The following APBA1 variants were observed in gnomAD, a reference collection of about 807,000 sequenced individuals.
APBA1 encodes amyloid beta precursor protein binding family A member 1.
Under a neutral mutation model 86.6 loss-of-function variants are expected in APBA1, and 55 were observed. The ratio of observed to expected loss-of-function variants is 0.64; its 90% CI spans 0.51 to 0.80. The LOEUF (loss-of-function observed/expected upper bound fraction) is 0.80, where lower values mean the gene tolerates loss of function less well. APBA1 is among the 30% of genes least tolerant of loss of function. The pLI is 0.00. For synonymous variants in APBA1, 511 were observed against 493.9 expected (o/e 1.03, Z -0.46); for missense variants, 1,090 against 1,183.0 (o/e 0.92, Z 1.15).
At chr9:69,664,889 AT>A (rs1334466398) in intron 1 of APBA1, among the ~76,000 whole-genome samples, 1 of 152,192 alleles carries the variant, frequency 6.6e-6, no homozygotes, top group East Asian at 1.9e-4. Flanking sequence ...AAATCCCTAA[AT>A]TAAAATAACT....
intron 1 of APBA1, among the ~76,000 whole-genome samples, chr9:69,620,538 A>G (rs2133989349): frequency 6.6e-6 from 1 of 152,164 alleles, no homozygotes; most frequent in East Asian, 1.9e-4. Flanking sequence ...TTAGCTGGGC[A>G]TGGTGGCATG....
chr9:69,467,116 C>T (rs1319053964), intron 5 of APBA1, among the ~76,000 whole-genome samples: 2 of 152,134 alleles, frequency 1.3e-5, no homozygotes, highest in African/African-American at 4.8e-5. Flanking sequence ...GTTTTGGTAT[C>T]GTGGTGGAGA....
At chr9:69,453,889 G>A (rs1412322422) in intron 8 of APBA1, among the ~76,000 whole-genome samples, 1 of 152,196 alleles carries the variant, frequency 6.6e-6, no homozygotes, top group East Asian at 1.9e-4. Context: ...CTAGACTTTG[G>A]AACTATGGAT....
chr9:69,526,657 T>C (rs1483156684), intron 1 of APBA1, among the ~76,000 whole-genome samples: 2 of 152,004 alleles, frequency 1.3e-5, no homozygotes, highest in Non-Finnish European at 2.9e-5. Flanking sequence ...GGAAAGCAGT[T>C]TGGAGATTTC....
At chr9:69,635,296 A>G (rs1487707019) in intron 1 of APBA1, among the ~76,000 whole-genome samples, 1 of 152,188 alleles carries the variant, frequency 6.6e-6, no homozygotes, top group Non-Finnish European at 1.5e-5. Context: ...AGTTGTGATC[A>G]GTTTAAAATA....
At chr9:69,657,367 T>A (rs2134021512) in intron 1 of APBA1, among the ~76,000 whole-genome samples, 1 of 152,350 alleles carries the variant, frequency 6.6e-6, no homozygotes, top group South Asian at 2.1e-4. Flanking sequence ...AGCCTGCCAG[T>A]TATTACTTAG....
chr9:69,660,829 TGA>T (rs1171005133), intron 1 of APBA1, among the ~76,000 whole-genome samples: 1 of 151,856 alleles, frequency 6.6e-6, no homozygotes, highest in Admixed American at 6.6e-5. Flanking sequence ...GATGAAAAAA[TGA>T]GTGTGTGGGT....
chr9:69,565,951 TGGCCTCAA>T (rs1837020325), intron 1 of APBA1, among the ~76,000 whole-genome samples: 1 of 152,220 alleles, frequency 6.6e-6, no homozygotes, highest in South Asian at 2.1e-4. Flanking sequence ...GCCCTGACCG[TGGCCTCAA>T]GGCCTGCCTG....
intron 2 of APBA1, among the ~76,000 whole-genome samples, chr9:69,476,755 A>G (rs903554422): frequency 1.3e-5 from 2 of 152,228 alleles, no homozygotes; most frequent in Non-Finnish European, 2.9e-5. Context: ...ACAGTTCAAA[A>G]ATCCTTTGTC....
chr9:69,637,367 A>G (rs11139558), intron 1 of APBA1, among the ~76,000 whole-genome samples: 3,053 of 152,302 alleles, frequency 0.02, 80 homozygotes, highest in African/African-American at 0.064. Flanking sequence ...CAAAGACACT[A>G]TAATTGGATT....
chr9:69,509,224 A>C (rs2133879746), intron 2 of APBA1, among the ~76,000 whole-genome samples: 1 of 151,790 alleles, frequency 6.6e-6, no homozygotes, highest in Admixed American at 6.5e-5. Context: ...ACAATAAAAA[A>C]TGATAAAGGG....
intron 1 of APBA1, among the ~76,000 whole-genome samples, chr9:69,642,712 G>T (rs564211070): frequency 7.3e-5 from 11 of 151,710 alleles, no homozygotes. Context: ...TTTTTGAGGA[G>T]ATTAACATTT....
chr9:69,445,178 C>G (rs1448422669), intron 10 of APBA1, among the ~76,000 whole-genome samples: 3 of 152,212 alleles, frequency 2.0e-5, no homozygotes, highest in Non-Finnish European at 2.9e-5. Context: ...TCATATTGCT[C>G]TGGTGGGTTC....
At chr9:69,544,355 A>G (rs1403720837) in intron 1 of APBA1, among the ~76,000 whole-genome samples, 1 of 152,232 alleles carries the variant, frequency 6.6e-6, no homozygotes, top group East Asian at 1.9e-4. Flanking sequence ...AATATAGCTG[A>G]AAGTAATACA....
At chr9:69,437,218 C>T (rs11789889) in intron 11 of APBA1, among the ~76,000 whole-genome samples, 5 of 150,858 alleles carry the variant, frequency 3.3e-5, no homozygotes, top group Non-Finnish European at 5.9e-5. Flanking sequence ...TGTTCATCAA[C>T]GATATTGGTC....
intron 1 of APBA1, among the ~76,000 whole-genome samples, chr9:69,576,380 C>T (rs1821797180): frequency 6.6e-6 from 1 of 152,200 alleles, no homozygotes; most frequent in African/African-American, 2.4e-5. Context: ...GATTACAAAA[C>T]ATGCTGCTAT....
chr9:69,513,495 A>G lies in APBA1; in HGVS notation c.1200+2516T>C, dbSNP rs556385067. 1.4e-4 allele frequency among the ~76,000 whole-genome samples: 22 copies of G among 152,330 alleles called. 1 individual carries two copies. In the South Asian group the frequency reaches 4.3e-3, roughly 30 times the overall value. Reference sequence around the variant, plus strand: ...GAAGCCAGCCTTTTGTCAACTCCCTACTTTTGAAAACCTGCTCTATTTCCA... The same window carrying G: ...GAAGCCAGCCTTTTGTCAACTCCCTGCTTTTGAAAACCTGCTCTATTTCCA... On this transcript the variant is annotated intron_variant, in intron 2 of 12. Transcript: ENST00000265381.
chr9:69,672,492 G>T (rs966755533), upstream of APBA1, among the ~76,000 whole-genome samples: 13 of 146,580 alleles, frequency 8.9e-5, no homozygotes, highest in African/African-American at 3.2e-4. Context: ...GCGCGCGCAC[G>T]CCGCCTGCTA....
intron 1 of APBA1, among the ~76,000 whole-genome samples, chr9:69,552,419 T>C (rs192048625): frequency 5.3e-5 from 8 of 152,334 alleles, no homozygotes; most frequent in Non-Finnish European, 7.3e-5. Context: ...TCAATTCACA[T>C]TGAGTTCAAA....
Sources: gnomAD v4.1 joint callset for allele counts (sites outside exome capture counted in the v4.1 genomes callset) on GRCh38, gnomAD v4.1.1 for gene constraint, MANE v1.5 for transcripts, NCBI Gene and HGNC (gene_info 2026-07-23, HGNC 2026-07-21) for gene names.